Variants in B3GALT1 observed in about 807,000 individuals in gnomAD.
B3GALT1 encodes the protein beta-1,3-galactosyltransferase 1.
In B3GALT1, 10 loss-of-function variants were observed where a neutral mutation model predicts 23.2. That is an observed-to-expected ratio of 0.43 (90% CI 0.27 to 0.73). The LOEUF (loss-of-function observed/expected upper bound fraction) is 0.73. B3GALT1 is among the 30% of genes least tolerant of loss of function. The probability of loss-of-function intolerance (pLI) is 0.21; values close to 1 mark genes in which losing one functional copy is unlikely to be tolerated. For synonymous variants in B3GALT1, 156 were observed against 141.5 expected, an observed-to-expected ratio of 1.10 and a Z score of -0.73; for missense variants, 299 against 405.4, an observed-to-expected ratio of 0.74 and a Z score of 2.25.
chr2:167,566,513 TAAA>T (rs778602667), intron 2 of B3GALT1, among the ~76,000 whole-genome samples: 18 of 148,640 alleles, frequency 1.2e-4, no homozygotes, highest in Non-Finnish European at 2.5e-4. Flanking sequence ...ATAATAATAA[TAAA>T]AGAATAAAAA....
chr2:167,857,217 G>A (rs1400827497), intron 4 of B3GALT1, among the ~76,000 whole-genome samples: 1 of 152,082 alleles, frequency 6.6e-6, no homozygotes, highest in East Asian at 1.9e-4. Flanking sequence ...GTGATGGACA[G>A]TAATGGGAAT....
intron 3 of B3GALT1, among the ~76,000 whole-genome samples, chr2:167,690,010 A>C (rs1398424079): frequency 6.6e-6 from 1 of 152,176 alleles, no homozygotes; most frequent in Non-Finnish European, 1.5e-5. Context: ...ATAAAATTTA[A>C]ATTCCTTAAT....
chr2:167,598,260 G>A (rs1574159957), intron 2 of B3GALT1, among the ~76,000 whole-genome samples: 2 of 152,082 alleles, frequency 1.3e-5, no homozygotes, highest in Non-Finnish European at 1.5e-5. Flanking sequence ...CTGATTGTGT[G>A]TGTGTGTGAG....
chr2:167,711,626 C>T (rs1268532812), intron 3 of B3GALT1, among the ~76,000 whole-genome samples: 2 of 152,070 alleles, frequency 1.3e-5, no homozygotes, highest in Non-Finnish European at 2.9e-5. Context: ...TTCATCACTA[C>T]CAGTTCTACA....
At chr2:167,613,360 G>A (rs1685103741) in intron 2 of B3GALT1, among the ~76,000 whole-genome samples, 1 of 151,686 alleles carries the variant, frequency 6.6e-6, no homozygotes, top group African/African-American at 2.4e-5. Flanking sequence ...ACATGAAATT[G>A]TAGTTGAACA....
intron 2 of B3GALT1, among the ~76,000 whole-genome samples, chr2:167,578,723 G>C (rs970024308): frequency 6.6e-6 from 1 of 151,972 alleles, no homozygotes; most frequent in African/African-American, 2.4e-5. Flanking sequence ...AAAATAGCCT[G>C]TGTGGGAATG....
At chr2:167,591,648 A>AT (rs1267040809) in intron 2 of B3GALT1, among the ~76,000 whole-genome samples, 1 of 151,732 alleles carries the variant, frequency 6.6e-6, no homozygotes, top group Non-Finnish European at 1.5e-5. Context: ...AATTTTTTTT[A>AT]TTTTTTGTAG....
rs370027089 is a variant in B3GALT1 at position 167,835,225 on chromosome 2, G to A, written c.-230+16432G>A. On this transcript the variant is annotated intron_variant, in intron 4 of 4. Coordinates refer to ENST00000392690, the MANE Select transcript of B3GALT1 (RefSeq NM_020981.4). ...CACCATGCGCGAGCCGAAGCAGGGCGAGGCATTGCCTCACACAGGAAGCGC... is the reference window on the plus strand; with the variant it reads ...CACCATGCGCGAGCCGAAGCAGGGCAAGGCATTGCCTCACACAGGAAGCGC... Among the ~76,000 whole-genome samples the A allele has an allele frequency of 3.3e-4, 50 of 152,320 alleles. 2 individuals carry two copies. The East Asian group carries it at 4.8e-3, about 15-fold the overall frequency.
intron 2 of B3GALT1, among the ~76,000 whole-genome samples, chr2:167,502,282 G>A (rs1388258965): frequency 6.6e-6 from 1 of 152,140 alleles, no homozygotes; most frequent in Non-Finnish European, 1.5e-5. Context: ...TCAGAGGGGT[G>A]ACTCCCCAGG....
intron 3 of B3GALT1, among the ~76,000 whole-genome samples, chr2:167,768,921 T>C (rs1157382466): frequency 6.6e-6 from 1 of 152,182 alleles, no homozygotes; most frequent in Non-Finnish European, 1.5e-5. Flanking sequence ...ATTAGAATCT[T>C]GTTACCTTTG....
At chr2:167,789,238 C>T (rs377313957) in intron 3 of B3GALT1, among the ~76,000 whole-genome samples, 15 of 152,116 alleles carry the variant, frequency 9.9e-5, no homozygotes, top group African/African-American at 3.4e-4. Context: ...GTGGCTTTGT[C>T]GTATAGCCCT....
chr2:167,344,187 T>C (rs1381778701), intron 1 of B3GALT1, among the ~76,000 whole-genome samples: 1 of 152,028 alleles, frequency 6.6e-6, no homozygotes, highest in Non-Finnish European at 1.5e-5. Context: ...ATAAAACAAA[T>C]AAGGATTTAA....
At chr2:167,366,981 A>G (rs1356916865) in intron 1 of B3GALT1, among the ~76,000 whole-genome samples, 1 of 152,176 alleles carries the variant, frequency 6.6e-6, no homozygotes, top group Admixed American at 6.5e-5. Context: ...CATTCACCAC[A>G]TTCTACTGGT....
At chr2:167,546,782 C>T (rs71428978) in intron 2 of B3GALT1, among the ~76,000 whole-genome samples, 4,102 of 152,298 alleles carry the variant, frequency 0.027, 86 homozygotes, top group Middle Eastern at 0.048. Flanking sequence ...GTCTCTCACT[C>T]ATATATTTCC....
At chr2:167,835,487 C>T (rs916339914) in intron 4 of B3GALT1, among the ~76,000 whole-genome samples, 6 of 152,226 alleles carry the variant, frequency 3.9e-5, no homozygotes, top group African/African-American at 7.2e-5. Flanking sequence ...GGGAGGGGCA[C>T]CCACCATTGC....
intron 1 of B3GALT1, among the ~76,000 whole-genome samples, chr2:167,479,959 G>T (rs1028818573): frequency 6.6e-6 from 1 of 152,078 alleles, no homozygotes; most frequent in Admixed American, 6.6e-5. Flanking sequence ...GCCCTCATGC[G>T]CTGAGTCTGC....
chr2:167,727,057 A>G (rs1272527220), intron 3 of B3GALT1, among the ~76,000 whole-genome samples: 1 of 152,086 alleles, frequency 6.6e-6, no homozygotes, highest in Non-Finnish European at 1.5e-5. Context: ...AAATCAGAGT[A>G]GTTTGCTTCA....
At chr2:167,489,679 AT>A (rs1214447708) in intron 1 of B3GALT1, among the ~76,000 whole-genome samples, 2 of 152,032 alleles carry the variant, frequency 1.3e-5, no homozygotes, top group Non-Finnish European at 2.9e-5. Flanking sequence ...TTTGGTAGGG[AT>A]TTTTACATTA....
rs1210160017 is a variant in B3GALT1, at chr2:167,731,619, T to C, written c.-352+84653T>C. ...TATCTTTTTCTTCAAAATGCTGGAATTCATTTGATTATTTTCTAGGGCTAT... is the reference window on the plus strand; with the variant it reads ...TATCTTTTTCTTCAAAATGCTGGAACTCATTTGATTATTTTCTAGGGCTAT... On this transcript the variant is annotated intron_variant, in intron 3 of 4. Transcript: ENST00000392690. Among the ~76,000 whole-genome samples, 3 of 152,346 alleles carry C rather than the reference T, an allele frequency of 2.0e-5. No homozygotes were observed. In the East Asian group the frequency reaches 5.8e-4, roughly 29 times the overall value.
Sources: allele counts gnomAD v4.1 joint callset (sites outside exome capture counted in the v4.1 genomes callset), GRCh38; gene constraint gnomAD v4.1.1; transcripts MANE v1.5; gene names NCBI Gene and HGNC (gene_info 2026-07-23, HGNC 2026-07-21).